Variants in RNGTT observed in about 807,000 individuals in gnomAD.
The protein encoded by RNGTT is RNA guanylyltransferase and 5'-phosphatase.
In RNGTT, 33 loss-of-function variants were observed where a neutral mutation model predicts 79.3. The observed-to-expected ratio is 0.42, with a 90% confidence interval of 0.32 to 0.56. The LOEUF is 0.56. Ranked by LOEUF, RNGTT falls within the 20% of genes least tolerant of loss-of-function variation. The pLI, the probability that RNGTT is intolerant of heterozygous loss-of-function variation, is 0.17. For missense variants in RNGTT, 497 were observed against 739.1 expected (o/e 0.67, Z 3.80); for synonymous variants, 222 against 235.9 (o/e 0.94, Z 0.54).
chr6:88,869,225 A>C (rs903271077), intron 8 of RNGTT, among the ~76,000 whole-genome samples: 1 of 152,238 alleles, frequency 6.6e-6, no homozygotes, highest in African/African-American at 2.4e-5. Flanking sequence ...CAAACATAAA[A>C]TTAGATCAAG....
intron 13 of RNGTT, among the ~76,000 whole-genome samples, chr6:88,720,709 T>C (rs1017672483): frequency 6.6e-6 from 1 of 152,140 alleles, no homozygotes; most frequent in Non-Finnish European, 1.5e-5. Context: ...AAAAGTACTA[T>C]CGAACAGATT....
chr6:88,813,809 A>G (rs1780221268), intron 11 of RNGTT, among the ~76,000 whole-genome samples: 1 of 152,176 alleles, frequency 6.6e-6, no homozygotes, highest in African/African-American at 2.4e-5. Flanking sequence ...AAAGTATCCT[A>G]TGCTTCCCTC....
intron 13 of RNGTT, among the ~76,000 whole-genome samples, chr6:88,696,601 TACACACACACACAC>T (rs67058652): frequency 1.4e-5 from 2 of 147,490 alleles, no homozygotes; most frequent in South Asian, 2.2e-4. Context: ...AATCCTGAAG[TACACACACACACAC>T]ACACACACAC....
intron 14 of RNGTT, among the ~76,000 whole-genome samples, chr6:88,673,131 C>T (rs1191302673): frequency 6.7e-6 from 1 of 149,242 alleles, no homozygotes; most frequent in Non-Finnish European, 1.5e-5. Flanking sequence ...CACCAAGCCA[C>T]CCACACTGAG....
intron 14 of RNGTT, among the ~76,000 whole-genome samples, chr6:88,655,556 C>A (rs1773946113): frequency 6.6e-6 from 1 of 152,118 alleles, no homozygotes; most frequent in African/African-American, 2.4e-5. Context: ...GGGACAGAAC[C>A]AGACTGAGGC....
intron 8 of RNGTT, among the ~76,000 whole-genome samples, chr6:88,886,762 G>C (rs1246628727): frequency 2.0e-5 from 3 of 152,036 alleles, no homozygotes; most frequent in Non-Finnish European, 4.4e-5. Context: ...GATTACAGTG[G>C]CTTAGTCTCC....
intron 11 of RNGTT, among the ~76,000 whole-genome samples, chr6:88,842,826 C>T (rs9362573): frequency 0.04 from 6,139 of 152,164 alleles, 181 homozygotes; most frequent in African/African-American, 0.077. Context: ...AATCCCAGCA[C>T]TTTGGGAGGC....
At chr6:88,703,901 A>C (rs1776027998) in intron 13 of RNGTT, among the ~76,000 whole-genome samples, 1 of 152,094 alleles carries the variant, frequency 6.6e-6, no homozygotes, top group Non-Finnish European at 1.5e-5. Flanking sequence ...TCTTTCTAAT[A>C]TATCTAATAT....
At chr6:88,615,981 C>T (rs373939361) in intron 14 of RNGTT, among the ~76,000 whole-genome samples, 1 of 152,086 alleles carries the variant, frequency 6.6e-6, no homozygotes, top group East Asian at 1.9e-4. Flanking sequence ...TGCTATACTC[C>T]CTAAACACTA....
intron 8 of RNGTT, among the ~76,000 whole-genome samples, chr6:88,878,742 A>C (rs1308526455): frequency 6.6e-6 from 1 of 152,188 alleles, no homozygotes; most frequent in East Asian, 1.9e-4. Flanking sequence ...TTGCTTTCAG[A>C]AGAAAACTAG....
chr6:88,951,316 T>C (rs573460795), intron 1 of RNGTT, among the ~76,000 whole-genome samples: 1 of 152,134 alleles, frequency 6.6e-6, no homozygotes, highest in Admixed American at 6.5e-5. Context: ...ATTGCTGAAG[T>C]GACAACAAAG....
Position 88,641,338 on chromosome 6 carries a change from TA to T in RNGTT, c.1507-26944del, listed in dbSNP as rs869118891. Among the ~76,000 whole-genome samples the T allele has an allele frequency of 8.3e-3, 1,134 of 136,670 alleles. 8 individuals are homozygous for T. Among genetic ancestry groups the T allele is most frequent in the African/African-American group, 0.017 (623 of 37,376 alleles). 89.7% of individuals were successfully genotyped at this position (136,670 alleles called of 152,430 possible). A position where few individuals can be genotyped will look rare whatever the true frequency, so the allele number is the denominator to read the frequency against. On this transcript the variant is annotated intron_variant, in intron 14 of 15. Coordinates refer to ENST00000369485, the MANE Select transcript of RNGTT (RefSeq NM_003800.5). ...TGGGCAACAGAGTGAGACTCTGTCT[TA>T]AAAAAAAAAAAAAAAAAAAATAACC... is the stretch of plus-strand genomic sequence containing the variant.
At chr6:88,730,065 T>C (rs1777055993) in intron 13 of RNGTT, among the ~76,000 whole-genome samples, 1 of 152,146 alleles carries the variant, frequency 6.6e-6, no homozygotes, top group African/African-American at 2.4e-5. Context: ...GAAGCTTCTT[T>C]TGGAAAATCA....
chr6:88,828,471 A>G (rs1200069987), intron 11 of RNGTT, among the ~76,000 whole-genome samples: 3 of 152,178 alleles, frequency 2.0e-5, no homozygotes, highest in African/African-American at 7.2e-5. Context: ...TCCAAAAGCC[A>G]GAATGCCTCT....
At chr6:88,762,847 T>C (rs1778316584) in intron 13 of RNGTT, among the ~76,000 whole-genome samples, 1 of 152,158 alleles carries the variant, frequency 6.6e-6, no homozygotes, top group Admixed American at 6.5e-5. Flanking sequence ...AGAGCTTGAA[T>C]TGAAATCCAG....
At chr6:88,694,913 C>T (rs1242009824) in intron 13 of RNGTT, among the ~76,000 whole-genome samples, 6 of 152,144 alleles carry the variant, frequency 3.9e-5, no homozygotes, top group Admixed American at 3.3e-4. Context: ...TTGATTAACA[C>T]ACCAGCCCCC....
chr6:88,761,037 A>C (rs1778209257), intron 13 of RNGTT, among the ~76,000 whole-genome samples: 1 of 150,600 alleles, frequency 6.6e-6, no homozygotes, highest in Admixed American at 6.6e-5. Flanking sequence ...ACACACACAC[A>C]CACACACACA....
At chr6:88,928,325 C>A (rs929088881) in intron 4 of RNGTT, among the ~76,000 whole-genome samples, 25 of 152,204 alleles carry the variant, frequency 1.6e-4, no homozygotes, top group African/African-American at 6.0e-4. Context: ...AACAACAAAC[C>A]TGAAAATAAC....
intron 8 of RNGTT, among the ~76,000 whole-genome samples, chr6:88,865,693 G>C (rs1282521353): frequency 6.6e-6 from 1 of 152,068 alleles, no homozygotes; most frequent in Non-Finnish European, 1.5e-5. Context: ...TTAAAAACTT[G>C]AATCAGGTAG....
Sources: allele counts gnomAD v4.1 joint callset (sites outside exome capture counted in the v4.1 genomes callset), GRCh38; gene constraint gnomAD v4.1.1; transcripts MANE v1.5; gene names NCBI Gene and HGNC (gene_info 2026-07-23, HGNC 2026-07-21).